Variants in CNBD1 observed in about 807,000 individuals in gnomAD.
The protein encoded by CNBD1 is cyclic nucleotide binding domain containing 1.
In CNBD1, 71 loss-of-function variants were observed where a neutral mutation model predicts 54.4. The ratio of observed to expected loss-of-function variants is 1.30; its 90% CI spans 1.08 to 1.59. The LOEUF is 1.59. Among genes scored for constraint, CNBD1 ranks in the 40% most tolerant of loss-of-function variants. The probability of loss-of-function intolerance (pLI) is 0.00; values close to 1 mark genes in which losing one functional copy is unlikely to be tolerated. For synonymous variants in CNBD1, 182 were observed against 170.7 expected, an observed-to-expected ratio of 1.07 and a Z score of -0.51; for missense variants, 659 against 518.0, an observed-to-expected ratio of 1.27 and a Z score of -2.64.
At chr8:86,914,225 A>C (rs1030870527) in intron 3 of CNBD1, among the ~76,000 whole-genome samples, 6 of 152,200 alleles carry the variant, frequency 3.9e-5, no homozygotes, top group Admixed American at 6.5e-5. Flanking sequence ...GATTAAAATA[A>C]AGACAGACAT....
At chr8:86,985,367 A>G (rs1808583695) in intron 4 of CNBD1, among the ~76,000 whole-genome samples, 3 of 152,190 alleles carry the variant, frequency 2.0e-5, no homozygotes, top group Non-Finnish European at 4.4e-5. Flanking sequence ...CCCACTAGCC[A>G]GTTTTTCAAC....
intron 4 of CNBD1, among the ~76,000 whole-genome samples, chr8:87,021,276 A>AT (rs34040305): frequency 3.2e-4 from 48 of 150,270 alleles, no homozygotes; most frequent in East Asian, 2.5e-3. Context: ...AATGTTAAAT[A>AT]TTTTTTTTTT....
At chr8:87,231,322 G>A (rs1346981344) in intron 5 of CNBD1, among the ~76,000 whole-genome samples, 1 of 151,952 alleles carries the variant, frequency 6.6e-6, no homozygotes, top group Non-Finnish European at 1.5e-5. Context: ...CTATCTCTAA[G>A]CAATATATTT....
intron 3 of CNBD1, among the ~76,000 whole-genome samples, chr8:86,928,748 G>T (rs1011932918): frequency 1.3e-5 from 2 of 152,156 alleles, no homozygotes; most frequent in South Asian, 4.1e-4. Flanking sequence ...GAGGGACCAA[G>T]GGATTATTGT....
intron 6 of CNBD1, among the ~76,000 whole-genome samples, chr8:87,271,419 A>G (rs1438130762): frequency 6.6e-6 from 1 of 151,882 alleles, no homozygotes; most frequent in African/African-American, 2.4e-5. Context: ...CTTTTTCTGT[A>G]TCCCACAGAT....
At chr8:87,002,342 TG>T (rs2130546689) in intron 4 of CNBD1, among the ~76,000 whole-genome samples, 1 of 152,302 alleles carries the variant, frequency 6.6e-6, no homozygotes, top group African/African-American at 2.4e-5. Flanking sequence ...GTGGCCAGGG[TG>T]GTTTTTTACA....
chr8:87,287,485 A>G (rs536421366), intron 8 of CNBD1, among the ~76,000 whole-genome samples: 3 of 152,338 alleles, frequency 2.0e-5, no homozygotes, highest in Admixed American at 1.3e-4. Context: ...GTTTGAAAGA[A>G]ATACTTCTAC....
chr8:87,273,074 A>G (rs773003648), intron 6 of CNBD1, among the ~76,000 whole-genome samples: 63 of 152,080 alleles, frequency 4.1e-4, no homozygotes, highest in Non-Finnish European at 8.1e-4. Context: ...CAGACAGATC[A>G]ATTTCCCCTA....
rs74344838 is a variant in CNBD1 at position 87,357,109 on chromosome 8, C to T, written c.1303+3323C>T. Among the ~76,000 whole-genome samples, 984 of 152,260 alleles carry T rather than the reference C, an allele frequency of 6.5e-3. 11 individuals carry two copies. Among genetic ancestry groups the T allele is most frequent in the African/African-American group, 0.023 (938 of 41,552 alleles). On this transcript the variant is annotated intron_variant, in intron 10 of 10. Coordinates refer to ENST00000518476, the MANE Select transcript of CNBD1 (RefSeq NM_173538.3). ...GTGAAGGAAGCTTGCTATATTCTACCTAGATTTCAGAGAATGTATCAGAAA... is the reference window on the plus strand; with the variant it reads ...GTGAAGGAAGCTTGCTATATTCTACTTAGATTTCAGAGAATGTATCAGAAA...
chr8:87,141,456 A>T (rs545241776), intron 4 of CNBD1, among the ~76,000 whole-genome samples: 4 of 152,268 alleles, frequency 2.6e-5, no homozygotes, highest in Non-Finnish European at 5.9e-5. Context: ...CCTATATTCT[A>T]AATTATCAGC....
intron 4 of CNBD1, among the ~76,000 whole-genome samples, chr8:87,055,956 C>T (rs1480709417): frequency 1.4e-5 from 2 of 143,352 alleles, no homozygotes; most frequent in Admixed American, 7.2e-5. Flanking sequence ...CCAAAAACTT[C>T]AGGATACTAA....
At chr8:87,308,331 T>C (rs1809198823) in intron 8 of CNBD1, among the ~76,000 whole-genome samples, 2 of 152,184 alleles carry the variant, frequency 1.3e-5, no homozygotes, top group Non-Finnish European at 2.9e-5. Flanking sequence ...AAATCATGTT[T>C]CATCCATCTG....
At chr8:86,929,177 C>A (rs994592672) in intron 3 of CNBD1, among the ~76,000 whole-genome samples, 1 of 152,184 alleles carries the variant, frequency 6.6e-6, no homozygotes, top group Non-Finnish European at 1.5e-5. Flanking sequence ...AGACTGCCAC[C>A]TCTTTGGGTT....
chr8:87,385,992 T>C (rs1222674874), downstream of CNBD1, among the ~76,000 whole-genome samples: 1 of 152,138 alleles, frequency 6.6e-6, no homozygotes, highest in Non-Finnish European at 1.5e-5. Flanking sequence ...CCACTGCTGA[T>C]ACCCAGGCAA....
At chr8:87,173,263 G>A (rs1409123932) in intron 4 of CNBD1, among the ~76,000 whole-genome samples, 1 of 152,100 alleles carries the variant, frequency 6.6e-6, no homozygotes, top group East Asian at 1.9e-4. Context: ...AGTTGTAGTT[G>A]TTTTTGATTG....
intron 6 of CNBD1, among the ~76,000 whole-genome samples, chr8:87,274,541 T>A (rs1301585620): frequency 0.24 from 33,452 of 137,172 alleles, 4,659 homozygotes; most frequent in African/African-American, 0.33. Context: ...GCATTTTTTC[T>A]TGTTTTTTGG....
chr8:87,288,849 G>T (rs1490561354), intron 8 of CNBD1, among the ~76,000 whole-genome samples: 6 of 152,064 alleles, frequency 3.9e-5, no homozygotes, highest in Admixed American at 1.3e-4. Flanking sequence ...CCTTAGAGAA[G>T]AATGACAATT....
downstream of CNBD1, among the ~76,000 whole-genome samples, chr8:87,386,133 C>A (rs1811181969): frequency 6.6e-6 from 1 of 152,128 alleles, no homozygotes; most frequent in African/African-American, 2.4e-5. Context: ...CATCAAAGAC[C>A]AAAAGTAGAT....
chr8:87,371,949 A>C (rs976802073), intron 10 of CNBD1, among the ~76,000 whole-genome samples: 8 of 151,868 alleles, frequency 5.3e-5, no homozygotes, highest in Non-Finnish European at 1.2e-4. Flanking sequence ...GCCCTCTCTC[A>C]CCACTCCTAT....
Sources: allele counts gnomAD v4.1 joint callset (sites outside exome capture counted in the v4.1 genomes callset), GRCh38; gene constraint gnomAD v4.1.1; transcripts MANE v1.5; gene names NCBI Gene and HGNC (gene_info 2026-07-23, HGNC 2026-07-21).